The following DNAJC1 variants were observed in gnomAD, a reference collection of about 807,000 sequenced individuals.
DNAJC1 encodes DnaJ heat shock protein family (Hsp40) member C1.
A neutral mutation model predicts 76.6 loss-of-function variants in DNAJC1; 58 were observed. The observed-to-expected ratio is 0.76, with a 90% CI of 0.61 to 0.94. DNAJC1 has a LOEUF of 0.94. Among genes scored for constraint, DNAJC1 ranks in the 40% least tolerant of loss-of-function variants. The probability of loss-of-function intolerance (pLI) is 0.00; values close to 1 mark genes in which losing one functional copy is unlikely to be tolerated. For synonymous variants in DNAJC1, 258 were observed against 267.9 expected, an observed-to-expected ratio of 0.96 and a Z score of 0.36; for missense variants, 689 against 677.3, an observed-to-expected ratio of 1.02 and a Z score of -0.19.
intron 1 of DNAJC1, among the ~76,000 whole-genome samples, chr10:21,955,244 A>G (rs1837658989): frequency 6.6e-6 from 1 of 152,210 alleles, no homozygotes; most frequent in Non-Finnish European, 1.5e-5. Flanking sequence ...GTTTTCCCCA[A>G]TTTTAACTTA....
intron 1 of DNAJC1, among the ~76,000 whole-genome samples, chr10:21,987,592 C>T (rs929511983): frequency 3.3e-5 from 5 of 152,096 alleles, no homozygotes; most frequent in Non-Finnish European, 7.4e-5. Context: ...AACAAATCTA[C>T]TTCATTTAAC....
chr10:21,858,264 G>A (rs1306279078), intron 8 of DNAJC1, among the ~76,000 whole-genome samples: 1 of 152,148 alleles, frequency 6.6e-6, no homozygotes, highest in Non-Finnish European at 1.5e-5. Flanking sequence ...AAAAGTCTCT[G>A]AGAAAGTAAA....
chr10:21,899,038 A>G (rs761298840), intron 7 of DNAJC1, among the ~76,000 whole-genome samples: 4 of 152,122 alleles, frequency 2.6e-5, no homozygotes, highest in Non-Finnish European at 4.4e-5. Flanking sequence ...GAGTGGCATG[A>G]AGCTAAAGGA....
intron 1 of DNAJC1, among the ~76,000 whole-genome samples, chr10:21,965,884 C>T (rs1168427914): frequency 6.6e-6 from 1 of 152,172 alleles, no homozygotes; most frequent in Non-Finnish European, 1.5e-5. Flanking sequence ...TTCTTTCTTG[C>T]ACAAGATCCA....
chr10:21,982,080 C>G (rs904223174), intron 1 of DNAJC1, among the ~76,000 whole-genome samples: 2 of 152,186 alleles, frequency 1.3e-5, no homozygotes, highest in Non-Finnish European at 2.9e-5. Flanking sequence ...TGACCCTGTT[C>G]CTTGGCTATA....
At chr10:21,795,172 A>G (rs914580546) in intron 9 of DNAJC1, among the ~76,000 whole-genome samples, 1 of 152,218 alleles carries the variant, frequency 6.6e-6, no homozygotes, top group Non-Finnish European at 1.5e-5. Flanking sequence ...AAGACGTAGG[A>G]ATGGCTAATA....
At chr10:21,954,721 C>G (rs1399262879) in intron 1 of DNAJC1, among the ~76,000 whole-genome samples, 3 of 152,096 alleles carry the variant, frequency 2.0e-5, no homozygotes, top group Admixed American at 1.3e-4. Flanking sequence ...AGCCAACATT[C>G]CTACTATGTA....
chr10:21,834,418 G>C (rs1835415892), intron 8 of DNAJC1, among the ~76,000 whole-genome samples: 1 of 152,220 alleles, frequency 6.6e-6, no homozygotes, highest in Admixed American at 6.5e-5. Flanking sequence ...GGTGATTTCT[G>C]CATTTTCAAC....
chr10:21,851,980 G>T (rs1011934521), intron 8 of DNAJC1, among the ~76,000 whole-genome samples: 1 of 151,908 alleles, frequency 6.6e-6, no homozygotes, highest in Non-Finnish European at 1.5e-5. Context: ...GTGAACCCGG[G>T]AGGCGGAGCT....
chr10:21,785,674 C>T (rs1040433119), intron 9 of DNAJC1: 1 of 152,194 alleles, frequency 6.6e-6, no homozygotes, highest in Non-Finnish European at 1.5e-5. Flanking sequence ...CCTGGGCCTA[C>T]ATGGCAACTG....
intron 8 of DNAJC1, among the ~76,000 whole-genome samples, chr10:21,864,984 T>C (rs1835975022): frequency 6.6e-6 from 1 of 152,064 alleles, no homozygotes; most frequent in Admixed American, 6.6e-5. Flanking sequence ...TTATTAATCT[T>C]TAGGGAGCTG....
chr10:21,790,904 T>A (rs562681497), intron 9 of DNAJC1, among the ~76,000 whole-genome samples: 1 of 152,284 alleles, frequency 6.6e-6, no homozygotes, highest in South Asian at 2.1e-4. Context: ...CAGATTAAAT[T>A]CTTCACTTAA....
intron 3 of DNAJC1, among the ~76,000 whole-genome samples, chr10:21,924,280 A>C (rs1837085378): frequency 6.6e-6 from 1 of 152,168 alleles, no homozygotes; most frequent in African/African-American, 2.4e-5. Context: ...CTAGTTAATA[A>C]ATTTATAAAA....
At chr10:21,763,290 T>C (rs1286873947) in intron 10 of DNAJC1, among the ~76,000 whole-genome samples, 2 of 152,228 alleles carry the variant, frequency 1.3e-5, no homozygotes, top group African/African-American at 4.8e-5. Context: ...CACTTTCACA[T>C]TCATTGTTAA....
chr10:21,970,807 G>A (rs1837964786), intron 1 of DNAJC1, among the ~76,000 whole-genome samples: 1 of 151,894 alleles, frequency 6.6e-6, no homozygotes, highest in Non-Finnish European at 1.5e-5. Context: ...GTTAGCCAAA[G>A]AGTTCTTTAA....
At chr10:21,806,796 T>C (rs1386908275) in intron 8 of DNAJC1, among the ~76,000 whole-genome samples, 1 of 152,146 alleles carries the variant, frequency 6.6e-6, no homozygotes, top group East Asian at 1.9e-4. Context: ...AGCATTTCAT[T>C]TTATTTTGAC....
Position 21,930,124 on chromosome 10 carries a change from C to T in DNAJC1, c.223-983G>A, listed in dbSNP as rs140417972. On this transcript the variant is annotated intron_variant, in intron 1 of 11. Transcript: ENST00000376980. ...CAGAGGAGCTGGAATTATAGGCATG[C>T]GCCACCACACCCAGCTAATTTTTGT... Among the ~76,000 whole-genome samples, 130 of 152,232 alleles carry T rather than the reference C, an allele frequency of 8.5e-4. 5 individuals are homozygous for T. The East Asian group carries it at 0.021, about 24-fold the overall frequency.
intron 3 of DNAJC1, among the ~76,000 whole-genome samples, chr10:21,924,687 A>G (rs1042376033): frequency 6.6e-6 from 1 of 152,200 alleles, no homozygotes; most frequent in Non-Finnish European, 1.5e-5. Context: ...AACCTGTTAT[A>G]GGCATGCTTT....
rs201735802 is a variant in DNAJC1 at position 21,785,895 on chromosome 10, T to C, written c.1099-19586A>G. ...ACCACAGTGATATCTATAACTAGTA[T>C]GTAATGTATGGATTTTAAATTGTTT... is the stretch of plus-strand genomic sequence containing the variant. On this transcript the variant is annotated intron_variant, in intron 9 of 11. Transcript: ENST00000376980. Among the ~76,000 whole-genome samples, 5 of 152,298 alleles carry C rather than the reference T, an allele frequency of 3.3e-5. No individual in the cohort carries two copies. The South Asian group carries it at 6.2e-4, about 19-fold the overall frequency.
Sources: gnomAD v4.1 joint callset for allele counts (sites outside exome capture counted in the v4.1 genomes callset) on GRCh38, gnomAD v4.1.1 for gene constraint, MANE v1.5 for transcripts, NCBI Gene and HGNC (gene_info 2026-07-23, HGNC 2026-07-21) for gene names.